Variants in MAP2K4 observed in about 807,000 individuals in gnomAD.
MAP2K4 encodes mitogen-activated protein kinase kinase 4, also known as dual specificity mitogen-activated protein kinase kinase 4.
MAP2K4 carries 4 observed loss-of-function variants against 48.5 expected under a neutral mutation model. That is an observed-to-expected ratio of 0.08 (90% CI 0.04 to 0.19). MAP2K4 has a LOEUF of 0.19. Ranked by LOEUF, MAP2K4 falls within the 10% of genes least tolerant of loss-of-function variation. MAP2K4 has a pLI of 1.00. For missense variants in MAP2K4, 258 were observed against 493.3 expected (o/e 0.52, Z 4.52); for synonymous variants, 166 against 173.1 (o/e 0.96, Z 0.32).
chr17:12,117,397 G>A (rs1972536740), intron 7 of MAP2K4, among the ~76,000 whole-genome samples: 1 of 151,716 alleles, frequency 6.6e-6, no homozygotes, highest in African/African-American at 2.4e-5. Context: ...TGTTGATTCA[G>A]TGTTCCCAAG....
intron 2 of MAP2K4, among the ~76,000 whole-genome samples, chr17:12,070,922 T>C (rs1970781672): frequency 6.6e-6 from 1 of 152,222 alleles, no homozygotes; most frequent in African/African-American, 2.4e-5. Context: ...TCTCTCACAG[T>C]TCTAGAGGCC....
intron 1 of MAP2K4, among the ~76,000 whole-genome samples, chr17:12,035,485 C>A (rs1348210674): frequency 6.6e-6 from 1 of 152,130 alleles, no homozygotes; most frequent in Non-Finnish European, 1.5e-5. Context: ...CATGGCACTC[C>A]AGCCTGGTCA....
At chr17:12,037,645 A>G (rs1193945874) in intron 1 of MAP2K4, among the ~76,000 whole-genome samples, 1 of 151,440 alleles carries the variant, frequency 6.6e-6, no homozygotes, top group Non-Finnish European at 1.5e-5. Flanking sequence ...TATATAGTTA[A>G]TGAAGTTAGT....
At chr17:12,066,349 C>T (rs1439710285) in intron 2 of MAP2K4, among the ~76,000 whole-genome samples, 1 of 152,060 alleles carries the variant, frequency 6.6e-6, no homozygotes, top group African/African-American at 2.4e-5. Flanking sequence ...TGTAAAATGC[C>T]TTGCAGAAAA....
At chr17:12,034,092 T>C (rs918878916) in intron 1 of MAP2K4, among the ~76,000 whole-genome samples, 1 of 152,220 alleles carries the variant, frequency 6.6e-6, no homozygotes, top group African/African-American at 2.4e-5. Flanking sequence ...CTGGCCTGAC[T>C]TTTTAAAAAT....
At chr17:12,133,789 C>A (rs1372609124) in intron 9 of MAP2K4, among the ~76,000 whole-genome samples, 3 of 152,124 alleles carry the variant, frequency 2.0e-5, no homozygotes, top group South Asian at 2.1e-4. Context: ...ATATAAGACC[C>A]ATATACAACT....
At chr17:12,128,266 A>T (rs1158006671) in intron 8 of MAP2K4, among the ~76,000 whole-genome samples, 3 of 152,152 alleles carry the variant, frequency 2.0e-5, no homozygotes, top group Admixed American at 6.5e-5. Flanking sequence ...TTTAGTAGAG[A>T]TGGGGTTTCA....
intron 7 of MAP2K4, among the ~76,000 whole-genome samples, chr17:12,118,024 T>C (rs1305847468): frequency 6.6e-6 from 1 of 152,186 alleles, no homozygotes; most frequent in African/African-American, 2.4e-5. Context: ...ACATCTATCA[T>C]GAAGAACTGA....
At position 12,041,639 on chromosome 17, in the gene MAP2K4, A is replaced by G. The variant is rs759601642; in HGVS notation, c.116-13250A>G. ...GAACCTGCATAACATCCAGTTATAC[A>G]TATTTTGATTAATGAGGAAAAAAAA... On this transcript the variant is annotated intron_variant, in intron 1 of 10. Coordinates refer to ENST00000353533, the MANE Select transcript of MAP2K4 (RefSeq NM_003010.4). Among the ~76,000 whole-genome samples the G allele has an allele frequency of 1.1e-3, 174 of 152,316 alleles. 3 individuals carry two copies. The highest frequency in any genetic ancestry group is 0.011 in the Admixed American group (174 of 15,302).
At chr17:12,025,038 C>T (rs753665929) in intron 1 of MAP2K4, among the ~76,000 whole-genome samples, 2 of 152,210 alleles carry the variant, frequency 1.3e-5, no homozygotes, top group African/African-American at 2.4e-5. Flanking sequence ...TCAACAGCTT[C>T]TATAATGAAA....
intron 1 of MAP2K4, among the ~76,000 whole-genome samples, chr17:12,027,374 C>A (rs117573930): frequency 0.011 from 1,710 of 152,206 alleles, 21 homozygotes; most frequent in Non-Finnish European, 0.016. Flanking sequence ...TTAAAATGGA[C>A]ATCACAGCAG....
chr17:12,029,929 GA>G (rs948365744), intron 1 of MAP2K4, among the ~76,000 whole-genome samples: 15 of 150,754 alleles, frequency 9.9e-5, no homozygotes, highest in Admixed American at 5.3e-4. Flanking sequence ...AAAAAAAAAA[GA>G]AAAAAAGAAA....
At chr17:12,068,280 T>C (rs1015029391) in intron 2 of MAP2K4, among the ~76,000 whole-genome samples, 3 of 152,142 alleles carry the variant, frequency 2.0e-5, no homozygotes, top group Admixed American at 6.5e-5. Flanking sequence ...TGGGGAGTTA[T>C]GGAAAAGTTG....
chr17:12,072,414 G>T (rs143987196), intron 2 of MAP2K4, among the ~76,000 whole-genome samples: 149 of 152,248 alleles, frequency 9.8e-4, no homozygotes, highest in Non-Finnish European at 1.9e-3. Context: ...CTGTGACCAT[G>T]TATATTCTGA....
intron 2 of MAP2K4, among the ~76,000 whole-genome samples, chr17:12,065,669 C>T (rs1970593141): frequency 6.6e-6 from 1 of 152,130 alleles, no homozygotes; most frequent in South Asian, 2.1e-4. Flanking sequence ...CTCTTGACCT[C>T]AGGTGATCTG....
intron 1 of MAP2K4, among the ~76,000 whole-genome samples, chr17:12,030,931 C>A (rs554796215): frequency 6.6e-6 from 1 of 152,126 alleles, no homozygotes; most frequent in Non-Finnish European, 1.5e-5. Flanking sequence ...TCCAGAGAAC[C>A]CTTTTCTTCC....
At position 12,141,464 on chromosome 17, in the gene MAP2K4, T is replaced by C; in HGVS notation, c.*204T>C. ...CTGATTGATCACACAGTGTTAGTGC[T>C]GGTCAGAGAGACCTCATCCTGCTCT... On this transcript the variant is annotated 3_prime_UTR_variant, in exon 11 of 11. Transcript: ENST00000353533. 1 of 565,294 alleles carries C rather than the reference T, an allele frequency of 1.8e-6. No homozygotes were observed. Among genetic ancestry groups the C allele is most frequent in the Non-Finnish European group, 3.2e-6 (1 of 316,776 alleles). The allele number at this position is 565,294 out of a possible 1,614,324, so 35.0% of individuals were successfully genotyped here.
intron 7 of MAP2K4, among the ~76,000 whole-genome samples, chr17:12,123,775 G>C (rs1426630765): frequency 6.6e-6 from 1 of 151,860 alleles, no homozygotes; most frequent in Non-Finnish European, 1.5e-5. Context: ...AGACTTTTTT[G>C]ATCCATTTGT....
intron 1 of MAP2K4, among the ~76,000 whole-genome samples, chr17:12,032,532 A>G (rs1036209266): frequency 6.6e-6 from 1 of 152,152 alleles, no homozygotes; most frequent in African/African-American, 2.4e-5. Context: ...AGATGTATAT[A>G]ATATGGAAAT....
Sources: allele counts gnomAD v4.1 joint callset (sites outside exome capture counted in the v4.1 genomes callset), GRCh38; gene constraint gnomAD v4.1.1; transcripts MANE v1.5; gene names NCBI Gene and HGNC (gene_info 2026-07-23, HGNC 2026-07-21).